The following BCR variants were observed in gnomAD, a reference collection of about 807,000 sequenced individuals.
BCR encodes the protein BCR activator of RhoGEF and GTPase.
BCR carries 58 observed loss-of-function variants against 138.6 expected under a neutral mutation model. The observed-to-expected ratio is 0.42, with a 90% CI of 0.34 to 0.52. The LOEUF is 0.52. BCR is among the 20% of genes least tolerant of loss of function. The pLI, the probability that BCR is intolerant of heterozygous loss-of-function variation, is 0.06. For missense variants in BCR, 1,599 were observed against 1,727.2 expected (o/e 0.93, Z 1.32); for synonymous variants, 786 against 730.1 (o/e 1.08, Z -1.23).
At chr22:23,268,360 G>A in intron 4 of BCR, 48 bp from the exon 5 acceptor site, 2 of 1,459,326 alleles carry the variant, frequency 1.4e-6, no homozygotes, top group Non-Finnish European at 1.9e-6. Context: ...CAGAAAGATG[G>A]GGGAGCAGCA....
At chr22:23,265,609 A>C (rs1168503176) in intron 4 of BCR, among the ~76,000 whole-genome samples, 1 of 152,222 alleles carries the variant, frequency 6.6e-6, no homozygotes, top group African/African-American at 2.4e-5. Flanking sequence ...TTCTGGCTGA[A>C]GTTTTATCAA....
In BCR at chr22:23,290,069, C is replaced by T. The variant is rs151013231; in HGVS notation, c.2708-270C>T. 56 of 555,238 alleles carry T rather than the reference C, an allele frequency of 1.0e-4. 1 individual carries two copies. Among genetic ancestry groups the T allele is most frequent in the African/African-American group, 9.8e-4 (52 of 52,856 alleles). The allele number at this position is 555,238 out of a possible 1,614,324, so 34.4% of individuals were successfully genotyped here. The stretch of plus-strand genomic sequence containing the variant: ...CCACACACACCCCACCCACATCCCA[C>T]ATCACCCCGACCCCCTCTGCTGTCC... On this transcript the variant is annotated intron_variant, in intron 13 of 22. Transcript: ENST00000305877.
At chr22:23,263,059 G>A (rs953386157) in intron 4 of BCR, 3 of 736,138 alleles carry the variant, frequency 4.1e-6, no homozygotes, top group East Asian at 2.9e-5. Context: ...GCTAGGCGGC[G>A]GGAGGGCGCC....
chr22:23,293,138 C>T (rs1412816580), intron 15 of BCR, among the ~76,000 whole-genome samples: 5 of 151,986 alleles, frequency 3.3e-5, no homozygotes, highest in Non-Finnish European at 5.9e-5. Flanking sequence ...GTCACTTAGC[C>T]ATTTGGCCCT....
At chr22:23,312,093 G>A (rs2074014162) in intron 19 of BCR, among the ~76,000 whole-genome samples, 1 of 152,250 alleles carries the variant, frequency 6.6e-6, no homozygotes, top group Non-Finnish European at 1.5e-5. Flanking sequence ...TGGCCTTCCT[G>A]CCTTGGGGTT....
At chr22:23,285,820 G>T (rs145398669) in intron 10 of BCR, among the ~76,000 whole-genome samples, 1,648 of 152,314 alleles carry the variant, frequency 0.011, 74 homozygotes, top group Admixed American at 0.087. Context: ...AAGAGTTAGC[G>T]CATGACAGCT....
At chr22:23,257,143 G>GCTGATTTCTGAGCCATCCCTGT (rs1265196200) in intron 2 of BCR, among the ~76,000 whole-genome samples, 1 of 152,090 alleles carries the variant, frequency 6.6e-6, no homozygotes, top group Non-Finnish European at 1.5e-5. Context: ...CATGGACTTG[G>GCTGATTTCTGAGCCATCCCTGT]CTGATTTCTG....
intron 1 of BCR, among the ~76,000 whole-genome samples, chr22:23,199,650 C>T (rs1044128194): frequency 1.3e-5 from 2 of 152,158 alleles, no homozygotes; most frequent in African/African-American, 4.8e-5. Flanking sequence ...TGCCCTGTCT[C>T]CTTTGTCCCC....
chr22:23,207,231 A>T (rs1034466889), intron 1 of BCR, among the ~76,000 whole-genome samples: 5 of 152,262 alleles, frequency 3.3e-5, no homozygotes, highest in African/African-American at 1.2e-4. Flanking sequence ...ACAGCTGATA[A>T]AGGGGTGCTG....
At chr22:23,183,965 G>C (rs932998980) in intron 1 of BCR, among the ~76,000 whole-genome samples, 1 of 152,214 alleles carries the variant, frequency 6.6e-6, no homozygotes, top group African/African-American at 2.4e-5. Context: ...TCAGGAAATG[G>C]CTGAGGAGGT....
chr22:23,207,853 G>A (rs140131476), intron 1 of BCR, among the ~76,000 whole-genome samples: 308 of 152,276 alleles, frequency 2.0e-3, no homozygotes, highest in Non-Finnish European at 2.5e-3. Context: ...CTTCTGCATG[G>A]AGGATGGAGT....
intron 8 of BCR, among the ~76,000 whole-genome samples, chr22:23,282,632 AG>A (rs1430974912): frequency 2.0e-5 from 3 of 152,172 alleles, no homozygotes; most frequent in African/African-American, 7.2e-5. Context: ...AGGTGACAGC[AG>A]GGCAAGGTGC....
At chr22:23,214,915 T>C (rs2146224280) in intron 1 of BCR, among the ~76,000 whole-genome samples, 1 of 152,292 alleles carries the variant, frequency 6.6e-6, no homozygotes, top group South Asian at 2.1e-4. Flanking sequence ...CCATCACCAC[T>C]ATCCATCTCC....
At chr22:23,287,021 C>G (rs919855041) in intron 10 of BCR, 138 bp from the exon 11 acceptor site, 1 of 1,442,086 alleles carries the variant, frequency 6.9e-7, no homozygotes, top group Non-Finnish European at 9.3e-7. Context: ...GGTCTGGGGC[C>G]CTGGTCTGTG....
At position 23,271,513 on chromosome 22, in the gene BCR, T is replaced by C. The variant is rs1568966023; in HGVS notation, c.1861-19T>C. ...GCTGCTTCTGTCATCTGTGTGAACA[T>C]GCGCTTTTCTCTCTGCAGAACCTGA... On this transcript the variant is annotated intron_variant, in intron 5 of 22. Transcript: ENST00000305877. 28 of 1,613,640 alleles carry C rather than the reference T, an allele frequency of 1.7e-5. No individual in the cohort carries two copies. In the Middle Eastern group the frequency reaches 5.0e-4, roughly 29 times the overall value.
chr22:23,299,545 T>C (rs1344711240), intron 16 of BCR, among the ~76,000 whole-genome samples: 1 of 152,162 alleles, frequency 6.6e-6, no homozygotes, highest in Non-Finnish European at 1.5e-5. Context: ...TATTTTGGCT[T>C]ATGTTTGTCT....
In BCR at chr22:23,181,722, C is replaced by T. The variant is rs370993449; in HGVS notation, c.762C>T (p.Arg254=). Residue 254 remains arginine (R), a synonymous_variant, in exon 1 of 23, where the codon CGC becomes CGT. Coordinates refer to ENST00000305877, the MANE Select transcript of BCR (RefSeq NM_004327.4). The part of the protein sequence containing the change: ...GDYEDAELNP[R]FLKDNLIDAN... ...ACGAGGACGCCGAGTTGAACCCCCG[C>T]TTCCTGAAGGACAACCTGATCGACG... The T allele has an allele frequency of 1.9e-6, 3 of 1,603,956 alleles. No individual in the cohort carries two copies. Among genetic ancestry groups the T allele is most frequent in the African/African-American group, 2.7e-5 (2 of 75,070 alleles).
intron 16 of BCR, among the ~76,000 whole-genome samples, chr22:23,306,594 C>A (rs2073955993): frequency 1.3e-5 from 2 of 152,206 alleles, no homozygotes; most frequent in Non-Finnish European, 2.9e-5. Flanking sequence ...TTCCCGTAAC[C>A]AATAGGCTGG....
chr22:23,199,323 C>G lies in BCR; in HGVS notation c.1279+17084C>G, dbSNP rs749270802. On this transcript the variant is annotated intron_variant, in intron 1 of 22. Transcript: ENST00000305877. The stretch of plus-strand genomic sequence containing the variant: ...CATCGGAGACTGGGTCCCGCCATGC[C>G]TGTGTCATCTCCTGGCTTCCCCGGC... 62 of 518,448 alleles carry G rather than the reference C, an allele frequency of 1.2e-4. No individual in the cohort carries two copies. The Admixed American group carries it at 1.2e-3, about 10-fold the overall frequency. 32.1% of individuals were successfully genotyped at this position (518,448 alleles called of 1,614,324 possible).
Sources: gnomAD v4.1 joint callset for allele counts (sites outside exome capture counted in the v4.1 genomes callset) on GRCh38, gnomAD v4.1.1 for gene constraint, MANE v1.5 for transcripts, NCBI Gene and HGNC (gene_info 2026-07-23, HGNC 2026-07-21) for gene names.